Variants in CLTC observed in about 807,000 individuals in gnomAD.
CLTC encodes clathrin heavy chain 1.
In CLTC, 16 loss-of-function variants were observed where a neutral mutation model predicts 195.8. That is an observed-to-expected ratio of 0.08 (90% CI 0.06 to 0.12). The LOEUF (loss-of-function observed/expected upper bound fraction) is 0.12, where lower values mean the gene tolerates loss of function less well. Ranked by LOEUF, CLTC falls within the 10% of genes least tolerant of loss-of-function variation. The pLI is 1.00. For missense variants in CLTC, 796 were observed against 2,027.0 expected, an observed-to-expected ratio of 0.39 and a Z score of 11.66; for synonymous variants, 667 against 689.4, an observed-to-expected ratio of 0.97 and a Z score of 0.51.
At chr17:59,651,577 G>A (rs1238035593) in intron 5 of CLTC, among the ~76,000 whole-genome samples, 1 of 152,162 alleles carries the variant, frequency 6.6e-6, no homozygotes, top group African/African-American at 2.4e-5. Context: ...TGGTTTCCCA[G>A]TGCAGATCAA....
chr17:59,695,016 A>G lies in CLTC; in HGVS notation c.*1164A>G, dbSNP rs2033389149. The G allele has an allele frequency of 4.7e-6, 1 of 213,348 alleles. No homozygotes were observed. The highest frequency in any genetic ancestry group is 1.9e-4 in the South Asian group (1 of 5,362). The allele number at this position is 213,348 out of a possible 1,614,324, so 13.2% of individuals were successfully genotyped here. On this transcript the variant is annotated 3_prime_UTR_variant, in exon 32 of 32. Coordinates refer to ENST00000269122, the MANE Select transcript of CLTC (RefSeq NM_004859.4). ...ACATTTAATCTGTCTCCAATATTTT[A>G]ACCAAGTGACACCGAGGTTTTTATC...
intron 1 of CLTC, among the ~76,000 whole-genome samples, chr17:59,629,623 C>CGGTTCTTCT (rs2031652967): frequency 6.8e-6 from 1 of 146,920 alleles, no homozygotes; most frequent in African/African-American, 2.5e-5. Flanking sequence ...CGGGTTCAAG[C>CGGTTCTTCT]GGTTCTTCTG....
chr17:59,681,408 T>A lies in CLTC; in HGVS notation c.3179T>A (p.Ile1060Asn). ...GCCCCAGATATTGCCAATATCGCCATCAGCAATGAGCTGTTTGAAGAAGCA... is the reference window on the plus strand; with the variant it reads ...GCCCCAGATATTGCCAATATCGCCAACAGCAATGAGCTGTTTGAAGAAGCA... ...YDAPDIANIA[I>N]SNELFEEAFA... Residue 1060 changes from isoleucine (I) to asparagine (N), a missense_variant, in exon 20 of 32, where the codon ATC becomes AAC. By Grantham distance (149) the Ile-to-Asn change is moderately radical. This residue lies in a region of CLTC where 160 missense variants were observed against 448.2 expected (regional missense o/e 0.36). Coordinates refer to ENST00000269122, the MANE Select transcript of CLTC (RefSeq NM_004859.4). The surrounding 1 kb of genome is among the most constrained non-coding windows in gnomAD (Gnocchi z 5.0). 6.2e-7 allele frequency: 1 copy of A among 1,614,108 alleles called. No homozygotes were observed. The highest frequency in any genetic ancestry group is 8.5e-7 in the Non-Finnish European group (1 of 1,179,990).
At position 59,651,259 on chromosome 17, in the gene CLTC, G is replaced by A. The variant is rs760426968; in HGVS notation, c.738G>A (p.Lys246=). The change falls in exon 5 of 32, where the codon AAG becomes AAA. Residue 246 remains lysine, a synonymous_variant. Transcript: ENST00000269122. ...PPTGNQPFPK[K]AVDVFFPPEA... The stretch of plus-strand genomic sequence containing the variant: ...CAGGGAACCAGCCCTTTCCAAAGAA[G>A]GCAGTGGATGTCTTCTTTCCTCCAG... 2 of 1,614,048 alleles carry A rather than the reference G, an allele frequency of 1.2e-6. No individual in the cohort carries two copies. Among genetic ancestry groups the A allele is most frequent in the South Asian group, 1.1e-5 (1 of 91,060 alleles).
chr17:59,670,553 G>C (rs1598230933), intron 14 of CLTC, among the ~76,000 whole-genome samples: 1 of 151,834 alleles, frequency 6.6e-6, no homozygotes, highest in East Asian at 1.9e-4. Flanking sequence ...TTGGTTTTCT[G>C]TTCCTGTGTT....
At chr17:59,628,164 A>G (rs949077137) in intron 1 of CLTC, among the ~76,000 whole-genome samples, 7 of 152,170 alleles carry the variant, frequency 4.6e-5, no homozygotes, top group Non-Finnish European at 7.4e-5. Flanking sequence ...ATTATTGCTG[A>G]AAGAATAGGA....
At chr17:59,678,865 A>T (rs973274151) in intron 17 of CLTC, among the ~76,000 whole-genome samples, 142 of 147,724 alleles carry the variant, frequency 9.6e-4, no homozygotes, top group African/African-American at 3.4e-3. Context: ...AGCTGGGGGG[A>T]GGTGCCATGC....
chr17:59,656,273 GTC>G, intron 6 of CLTC: 1 of 342,192 alleles, frequency 2.9e-6, no homozygotes, highest in South Asian at 3.4e-5. Flanking sequence ...TGAATACAAA[GTC>G]TCTCTTTAAT....
chr17:59,656,104 T>C, intron 6 of CLTC, 77 bp downstream of exon 6: 4 of 1,281,828 alleles, frequency 3.1e-6, no homozygotes, highest in Non-Finnish European at 4.3e-6. Flanking sequence ...TTTTGAGAAA[T>C]TACTCCCCAA....
Position 59,685,863 on chromosome 17 carries a change from C to A in CLTC, c.4827+55C>A. The A allele has an allele frequency of 7.8e-7, 1 of 1,282,348 alleles. No homozygotes were observed. The highest frequency in any genetic ancestry group is 1.1e-6 in the Non-Finnish European group (1 of 925,112). The allele number at this position is 1,282,348 out of a possible 1,614,324, so 79.4% of individuals were successfully genotyped here. A position where few individuals can be genotyped will look rare whatever the true frequency, so the allele number is the denominator to read the frequency against. On this transcript the variant is annotated intron_variant, in intron 30 of 31. Transcript: ENST00000269122. This position sits in a 1 kb window ranked among gnomAD's most constrained non-coding sequence, Gnocchi z 5.0. ...TAGTTTCCTTGCATGTAAAATTCTACATGCACATTAATTTTTTTAAATGCT... is the reference window on the plus strand; with the variant it reads ...TAGTTTCCTTGCATGTAAAATTCTAAATGCACATTAATTTTTTTAAATGCT...
chr17:59,690,646 T>C lies in CLTC; in HGVS notation c.4838T>C (p.Leu1613Ser). The change falls in exon 31 of 32, where the codon TTA (leucine) becomes TCA (serine). Residue 1613 changes from leucine to serine, a missense_variant. Around this residue, in one of 9 missense-constraint regions of CLTC, gnomAD observed 148 missense variants for 279.5 expected, o/e 0.53. Coordinates refer to ENST00000269122, the MANE Select transcript of CLTC (RefSeq NM_004859.4). The stretch of plus-strand genomic sequence containing the variant: ...TGTGTTTTTCTCCAGGTGGATAAAT[T>C]AGATGCTTCAGAATCACTGAGAAAA... The part of the protein sequence containing the change: ...MKEYLTKVDK[L>S]DASESLRKEE... 6.2e-7 allele frequency: 1 copy of C among 1,612,098 alleles called. No homozygotes were observed. Among genetic ancestry groups the C allele is most frequent in the East Asian group, 2.2e-5 (1 of 44,754 alleles).
In CLTC at chr17:59,660,437, C is replaced by T; in HGVS notation, c.1016C>T (p.Thr339Ile). The change falls in exon 7 of 32, where the codon ACC (threonine) becomes ATC (isoleucine). Residue 339 changes from threonine (T) to isoleucine (I), a missense_variant. By Grantham distance (89) the Thr-to-Ile change is moderately conservative (BLOSUM62 -1). This residue lies in a region of CLTC where 293 missense variants were observed against 795.6 expected (regional missense o/e 0.37). Coordinates refer to ENST00000269122, the MANE Select transcript of CLTC (RefSeq NM_004859.4). Reference sequence around the variant, plus strand: ...GAAGAAAACATAATTCCTTACATCACCAATGTTCTACAAAATCCTGATTTG... The same window carrying T: ...GAAGAAAACATAATTCCTTACATCATCAATGTTCTACAAAATCCTGATTTG... The part of the protein sequence containing the change: ...VEEENIIPYI[T>I]NVLQNPDLAL... 3.7e-6 allele frequency: 6 copies of T among 1,614,076 alleles called. No individual in the cohort carries two copies. Among genetic ancestry groups the T allele is most frequent in the Non-Finnish European group, 5.1e-6 (6 of 1,179,972 alleles).
In CLTC at chr17:59,666,034, C is replaced by T; in HGVS notation, c.1645-69C>T. On this transcript the variant is annotated intron_variant, in intron 10 of 31. Coordinates refer to ENST00000269122, the MANE Select transcript of CLTC (RefSeq NM_004859.4). The surrounding 1 kb of genome is among the most constrained non-coding windows in gnomAD (Gnocchi z 4.9). ...AAAATTCTCAGGTAAAGAAAGAGTT[C>T]ATGCATAATTTTGTCTACATACTCT... 2 of 1,146,880 alleles carry T rather than the reference C, an allele frequency of 1.7e-6. No individual in the cohort carries two copies. The highest frequency in any genetic ancestry group is 1.3e-6 in the Non-Finnish European group (1 of 797,912). 71.0% of individuals were successfully genotyped at this position (1,146,880 alleles called of 1,614,324 possible).
At position 59,683,290 on chromosome 17, in the gene CLTC, C is replaced by T. The variant is rs1474952633; in HGVS notation, c.4041+28C>T. On this transcript the variant is annotated intron_variant, in intron 25 of 31. Coordinates refer to ENST00000269122, the MANE Select transcript of CLTC (RefSeq NM_004859.4). This position sits in a 1 kb window ranked among gnomAD's most constrained non-coding sequence, Gnocchi z 6.1. The stretch of plus-strand genomic sequence containing the variant: ...AACCAGTCATTGTAACACAGTGAAG[C>T]AACTGTGTAGTTAAAACTAATGCTT... 3.1e-6 allele frequency: 5 copies of T among 1,608,994 alleles called. No homozygotes were observed. Among genetic ancestry groups the T allele is most frequent in the Non-Finnish European group, 4.2e-6 (5 of 1,176,514 alleles).
intron 1 of CLTC, among the ~76,000 whole-genome samples, chr17:59,621,136 ATCC>A (rs2031364308): frequency 6.6e-6 from 1 of 152,192 alleles, no homozygotes; most frequent in Non-Finnish European, 1.5e-5. Flanking sequence ...ATGGTTCCTT[ATCC>A]TGGAGGCAAC....
chr17:59,685,527 G>T lies in CLTC; in HGVS notation c.4606-60G>T. Reference sequence around the variant, plus strand: ...TTGGAAAGTTTCCATTGTTTTTCTTGGTTTACTAGTTCAGTATGTGGGGTC... The same window carrying T: ...TTGGAAAGTTTCCATTGTTTTTCTTTGTTTACTAGTTCAGTATGTGGGGTC... On this transcript the variant is annotated intron_variant, in intron 29 of 31. Transcript: ENST00000269122. The surrounding 1 kb of genome is among the most constrained non-coding windows in gnomAD (Gnocchi z 5.0). The T allele has an allele frequency of 7.3e-7, 1 of 1,368,624 alleles. No homozygotes were observed. Among genetic ancestry groups the T allele is most frequent in the Non-Finnish European group, 1.0e-6 (1 of 982,494 alleles). 84.8% of individuals were successfully genotyped at this position (1,368,624 alleles called of 1,614,324 possible).
At chr17:59,668,247 G>A (rs2143559727) in intron 13 of CLTC, among the ~76,000 whole-genome samples, 1 of 152,248 alleles carries the variant, frequency 6.6e-6, no homozygotes, top group East Asian at 1.9e-4. Context: ...ACCAGGTATT[G>A]GGGTCTTCAT....
At chr17:59,665,659 C>A (rs560710620) in intron 10 of CLTC, among the ~76,000 whole-genome samples, 5 of 151,822 alleles carry the variant, frequency 3.3e-5, no homozygotes, top group African/African-American at 1.2e-4. Context: ...GCCAATATAG[C>A]GAAACCCTGT....
At position 59,693,730 on chromosome 17, in the gene CLTC, C is replaced by A; in HGVS notation, c.4906C>A (p.Gln1636Lys). Reference sequence around the variant, plus strand: ...CTTTTTGTTTTCTTCTACTGTAGGTCAGCCCCAGTTGATGCTGACAGCAGG... The same window carrying A: ...CTTTTTGTTTTCTTCTACTGTAGGTAAGCCCCAGTTGATGCTGACAGCAGG... ...ATETQPIVYGQPQLMLTAGPS... is the reference protein window; with the variant it reads ...ATETQPIVYGKPQLMLTAGPS... Residue 1636 changes from glutamine to lysine, a missense_variant and splice_region_variant, in exon 32 of 32, where the codon CAG becomes AAG. Physicochemically the swap from Gln to Lys is moderately conservative, Grantham distance 53. Around this residue, in one of 9 missense-constraint regions of CLTC, gnomAD observed 148 missense variants for 279.5 expected, o/e 0.53. Coordinates refer to ENST00000269122, the MANE Select transcript of CLTC (RefSeq NM_004859.4). 1 of 1,612,468 alleles carries A rather than the reference C, an allele frequency of 6.2e-7. No individual in the cohort carries two copies. The highest frequency in any genetic ancestry group is 1.1e-5 in the South Asian group (1 of 90,914).
Sources: gnomAD v4.1 joint callset for allele counts (sites outside exome capture counted in the v4.1 genomes callset) on GRCh38, gnomAD v4.1.1 for gene constraint, gnomAD v4.1.1 regional missense constraint, Gnocchi (gnomAD v3.1) non-coding constraint, MANE v1.5 for transcripts, NCBI Gene and HGNC (gene_info 2026-07-23, HGNC 2026-07-21) for gene names.